The following VWC2L variants were observed in gnomAD, a reference collection of about 807,000 sequenced individuals.
VWC2L encodes von Willebrand factor C domain-containing protein 2-like.
In VWC2L, 10 loss-of-function variants were observed where a neutral mutation model predicts 21.6. That is an observed-to-expected ratio of 0.46 (90% CI 0.29 to 0.78). VWC2L has a LOEUF of 0.78. Ranked by LOEUF, VWC2L falls within the 30% of genes least tolerant of loss-of-function variation. The probability of loss-of-function intolerance (pLI) is 0.10; values close to 1 mark genes in which losing one functional copy is unlikely to be tolerated. For synonymous variants in VWC2L, 96 were observed against 94.3 expected, an observed-to-expected ratio of 1.02 and a Z score of -0.10; for missense variants, 209 against 277.1, an observed-to-expected ratio of 0.75 and a Z score of 1.74.
At chr2:214,493,697 G>A (rs1688774852) in intron 3 of VWC2L, among the ~76,000 whole-genome samples, 1 of 152,158 alleles carries the variant, frequency 6.6e-6, no homozygotes, top group African/African-American at 2.4e-5. Flanking sequence ...CCATAACCAG[G>A]AAAGAGGATA....
At chr2:214,479,746 G>A (rs918123767) in intron 3 of VWC2L, among the ~76,000 whole-genome samples, 5 of 152,158 alleles carry the variant, frequency 3.3e-5, no homozygotes, top group Admixed American at 6.5e-5. Flanking sequence ...AGCTGAGATC[G>A]TGCCATTGCC....
intron 3 of VWC2L, among the ~76,000 whole-genome samples, chr2:214,519,226 C>G (rs915001065): frequency 1.3e-5 from 2 of 152,072 alleles, no homozygotes; most frequent in African/African-American, 4.8e-5. Flanking sequence ...ATTTAGAATT[C>G]CCACTTCTTA....
At chr2:214,514,466 G>A (rs1689109006) in intron 3 of VWC2L, among the ~76,000 whole-genome samples, 1 of 152,088 alleles carries the variant, frequency 6.6e-6, no homozygotes, top group Admixed American at 6.6e-5. Flanking sequence ...TGGATATAGT[G>A]CAGTTACAGA....
chr2:214,494,438 T>A (rs1688784838), intron 3 of VWC2L, among the ~76,000 whole-genome samples: 1 of 152,144 alleles, frequency 6.6e-6, no homozygotes, highest in African/African-American at 2.4e-5. Context: ...AGCAGCAAAG[T>A]AAACAAGGAG....
At chr2:214,448,442 C>T (rs1039781480) in intron 3 of VWC2L, among the ~76,000 whole-genome samples, 6 of 152,150 alleles carry the variant, frequency 3.9e-5, no homozygotes, top group African/African-American at 1.4e-4. Flanking sequence ...AAGGAAGGTG[C>T]TTCTCAGAAG....
At chr2:214,533,806 C>T (rs1389464223) in intron 3 of VWC2L, among the ~76,000 whole-genome samples, 6 of 152,074 alleles carry the variant, frequency 3.9e-5, no homozygotes, top group Non-Finnish European at 7.4e-5. Flanking sequence ...CTGTATACAG[C>T]TTCTACAATT....
chr2:214,503,889 T>C (rs887225426), intron 3 of VWC2L, among the ~76,000 whole-genome samples: 9 of 152,232 alleles, frequency 5.9e-5, no homozygotes, highest in African/African-American at 2.2e-4. Flanking sequence ...AACTGTTGGC[T>C]CTGTAATCAG....
At chr2:214,508,888 C>A (rs1483399937) in intron 3 of VWC2L, among the ~76,000 whole-genome samples, 1 of 152,166 alleles carries the variant, frequency 6.6e-6, no homozygotes, top group East Asian at 1.9e-4. Context: ...TAAAAGAGTT[C>A]GATTCCTCAA....
chr2:214,456,715 T>C (rs1315367716), intron 3 of VWC2L, among the ~76,000 whole-genome samples: 1 of 152,122 alleles, frequency 6.6e-6, no homozygotes, highest in Non-Finnish European at 1.5e-5. Context: ...TTTGGGGTCT[T>C]ACTTCTAAGT....
At chr2:214,486,670 G>A (rs979673317) in intron 3 of VWC2L, among the ~76,000 whole-genome samples, 2 of 152,156 alleles carry the variant, frequency 1.3e-5, no homozygotes, top group Non-Finnish European at 2.9e-5. Context: ...CACTCAGCTA[G>A]CTGGACCTTT....
chr2:214,490,926 A>G (rs1688737142), intron 3 of VWC2L, among the ~76,000 whole-genome samples: 2 of 152,226 alleles, frequency 1.3e-5, no homozygotes, highest in Non-Finnish European at 2.9e-5. Flanking sequence ...AAATGAGAGA[A>G]GCAAAACACA....
chr2:214,425,713 A>C (rs1173523330), intron 2 of VWC2L, among the ~76,000 whole-genome samples: 2 of 152,176 alleles, frequency 1.3e-5, no homozygotes, highest in East Asian at 3.8e-4. Context: ...GATCCCATTA[A>C]ATAAATATCC....
chr2:214,412,198 A>G (rs1029679653), intron 1 of VWC2L, among the ~76,000 whole-genome samples: 6 of 152,108 alleles, frequency 3.9e-5, no homozygotes, highest in African/African-American at 7.2e-5. Context: ...ACCATAACCT[A>G]ACACATTAAT....
intron 3 of VWC2L, among the ~76,000 whole-genome samples, chr2:214,537,270 G>A (rs954466069): frequency 1.3e-5 from 2 of 151,990 alleles, no homozygotes; most frequent in African/African-American, 4.8e-5. Context: ...CAATAAAAGT[G>A]AATTAAATAT....
intron 3 of VWC2L, among the ~76,000 whole-genome samples, chr2:214,476,422 A>C (rs1263653273): frequency 1.3e-5 from 2 of 152,216 alleles, no homozygotes; most frequent in Non-Finnish European, 2.9e-5. Context: ...AGAAATATTC[A>C]TTGGGTTACA....
intron 3 of VWC2L, among the ~76,000 whole-genome samples, chr2:214,507,060 G>A (rs1688977670): frequency 6.6e-6 from 1 of 151,880 alleles, no homozygotes; most frequent in African/African-American, 2.4e-5. Context: ...AGGTCAACAT[G>A]TTTCTTTGAA....
rs771297333 is a variant in VWC2L, at chr2:214,576,970, T to C, written c.*1150T>C. ...TCCATTTGTTGAACATTTTTTAAAA[T>C]GTATATATTAGATACTGAAAAATTA... On this transcript the variant is annotated 3_prime_UTR_variant, in exon 4 of 4. Transcript: ENST00000312504. The C allele has an allele frequency of 6.6e-6, 1 of 152,180 alleles. No individual in the cohort carries two copies. The highest frequency in any genetic ancestry group is 1.5e-5 in the Non-Finnish European group (1 of 68,032). 9.4% of individuals were successfully genotyped at this position (152,180 alleles called of 1,614,324 possible).
rs115526575 is a variant in VWC2L at position 214,483,735 on chromosome 2, G to A, written c.520+46977G>A. ...TATGTATTAAAATGCTGCCATTCACGTTTGAGAATGAGACTCTTAACCTGC... is the reference window on the plus strand; with the variant it reads ...TATGTATTAAAATGCTGCCATTCACATTTGAGAATGAGACTCTTAACCTGC... On this transcript the variant is annotated intron_variant, in intron 3 of 3. Coordinates refer to ENST00000312504, the MANE Select transcript of VWC2L (RefSeq NM_001080500.4). 5.9e-5 allele frequency among the ~76,000 whole-genome samples: 9 copies of A among 152,104 alleles called. 1 individual carries two copies. The highest frequency in any genetic ancestry group is 1.2e-4 in the Non-Finnish European group (8 of 68,032).
chr2:214,490,286 A>C (rs1336244762), intron 3 of VWC2L, among the ~76,000 whole-genome samples: 3 of 151,996 alleles, frequency 2.0e-5, no homozygotes, highest in African/African-American at 7.3e-5. Flanking sequence ...ACTAGCCCCA[A>C]GTGCTTTAGG....
Sources: gnomAD v4.1 joint callset for allele counts (sites outside exome capture counted in the v4.1 genomes callset) on GRCh38, gnomAD v4.1.1 for gene constraint, MANE v1.5 for transcripts, NCBI Gene and HGNC (gene_info 2026-07-23, HGNC 2026-07-21) for gene names.